The following RIOK1 variants were observed in gnomAD, a reference collection of about 807,000 sequenced individuals.
The protein encoded by RIOK1 is RIO kinase 1.
A neutral mutation model predicts 73.5 loss-of-function variants in RIOK1; 66 were observed. The ratio of observed to expected loss-of-function variants is 0.90; its 90% CI spans 0.74 to 1.10. The LOEUF is 1.10. Among genes scored for constraint, RIOK1 ranks in the 50% least tolerant of loss-of-function variants. The probability of loss-of-function intolerance (pLI) is 0.00; values close to 1 mark genes in which losing one functional copy is unlikely to be tolerated. For synonymous variants in RIOK1, 224 were observed against 226.8 expected (o/e 0.99, Z 0.11); for missense variants, 658 against 699.8 (o/e 0.94, Z 0.67).
chr6:7,412,733 A>G (rs148182812), intron 14 of RIOK1, among the ~76,000 whole-genome samples, 156 bp from the exon 15 acceptor site: 69 of 152,072 alleles, frequency 4.5e-4, no homozygotes, highest in African/African-American at 1.5e-3. Context: ...TCAATATTAT[A>G]AACTTCCTGT....
In RIOK1 at chr6:7,400,951, T is replaced by G. The variant is rs201840891; in HGVS notation, c.481-7T>G. 1 of 1,581,566 alleles carries G rather than the reference T, an allele frequency of 6.3e-7. No individual in the cohort carries two copies. Among genetic ancestry groups the G allele is most frequent in the African/African-American group, 1.4e-5 (1 of 73,664 alleles). ...TGGAACTTTTTAATTTTTGCATTTCTTTTTAGGTGTTGGATCCCAGAACAA... is the reference window on the plus strand; with the variant it reads ...TGGAACTTTTTAATTTTTGCATTTCGTTTTAGGTGTTGGATCCCAGAACAA... On this transcript the variant is annotated splice_region_variant and splice_polypyrimidine_tract_variant and intron_variant, in intron 5 of 16. Coordinates refer to ENST00000379834, the MANE Select transcript of RIOK1 (RefSeq NM_031480.3).
At position 7,412,907 on chromosome 6, in the gene RIOK1, AC is replaced by A; in HGVS notation, c.1409del (p.Thr470LysfsTer3). 6.4e-7 allele frequency: 1 copy of A among 1,551,870 alleles called. No homozygotes were observed. The highest frequency in any genetic ancestry group is 8.7e-7 in the Non-Finnish European group (1 of 1,152,732). ...TTATAAGATTCTATACCAGACTGTT[AC>A]AGGATTGAAGAAAGATTTGTCAGGA... Reference protein sequence around the residue: ...QQDNILYQTVTGLKKDLSGVQ... With the variant: ...QQDNILYQTVXGLKKDLSGVQ... On this transcript the variant is annotated frameshift_variant, in exon 15 of 17. Coordinates refer to ENST00000379834, the MANE Select transcript of RIOK1 (RefSeq NM_031480.3). LOFTEE classifies it high-confidence loss of function.
intron 14 of RIOK1, among the ~76,000 whole-genome samples, chr6:7,412,646 C>T (rs1311083044): frequency 2.4e-5 from 3 of 124,022 alleles, no homozygotes; most frequent in Non-Finnish European, 5.7e-5. Context: ...AGCAAGACTC[C>T]GTCTCAAAAA....
At chr6:7,398,302 C>T (rs1277179566) in intron 4 of RIOK1, among the ~76,000 whole-genome samples, 1 of 151,480 alleles carries the variant, frequency 6.6e-6, no homozygotes, top group African/African-American at 2.4e-5. Context: ...TAGTAAGATG[C>T]TGTCTCTTTA....
Position 7,393,179 on chromosome 6 carries a change from G to A in RIOK1, c.152G>A (p.Gly51Asp). 1 of 1,613,258 alleles carries A rather than the reference G, an allele frequency of 6.2e-7. No individual in the cohort carries two copies. The highest frequency in any genetic ancestry group is 2.2e-5 in the East Asian group (1 of 44,870). ...EDLQDNVNENGEGEIEDEEEE... is the reference protein window; with the variant it reads ...EDLQDNVNENDEGEIEDEEEE... Reference sequence around the variant, plus strand: ...CTTCAAGACAATGTGAATGAGAATGGTGAAGGTGAAATAGAAGATGAGGAG... The same window carrying A: ...CTTCAAGACAATGTGAATGAGAATGATGAAGGTGAAATAGAAGATGAGGAG... Residue 51 changes from glycine (G) to aspartate (D), a missense_variant, in exon 2 of 17, where the codon GGT (glycine) becomes GAT (aspartate). Gly to Asp is a moderately conservative substitution (Grantham distance 94). Coordinates refer to ENST00000379834, the MANE Select transcript of RIOK1 (RefSeq NM_031480.3).
chr6:7,416,681 A>G (rs2113535328), intron 16 of RIOK1, among the ~76,000 whole-genome samples: 1 of 149,744 alleles, frequency 6.7e-6, no homozygotes, highest in Middle Eastern at 3.5e-3. Flanking sequence ...AAGGCCGGTT[A>G]TGGTGGCTCA....
At chr6:7,393,556 G>A (rs1462428583) in intron 2 of RIOK1, among the ~76,000 whole-genome samples, 2 of 152,136 alleles carry the variant, frequency 1.3e-5, no homozygotes, top group Non-Finnish European at 2.9e-5. Context: ...ATCTTCATGG[G>A]AAAGGGCATG....
At chr6:7,413,873 G>T (rs1229099980) in intron 15 of RIOK1, among the ~76,000 whole-genome samples, 1 of 152,220 alleles carries the variant, frequency 6.6e-6, no homozygotes, top group Non-Finnish European at 1.5e-5. Context: ...CAGGAAAACA[G>T]CTGTGAAGTT....
At chr6:7,408,063 G>C (rs182690721) in intron 12 of RIOK1, among the ~76,000 whole-genome samples, 3 of 152,312 alleles carry the variant, frequency 2.0e-5, no homozygotes, top group Admixed American at 2.0e-4. Context: ...TTGAGATGGA[G>C]TCTCGTTCTG....
chr6:7,396,892 G>T (rs200221238), intron 4 of RIOK1, 120 bp downstream of exon 4: 4 of 415,782 alleles, frequency 9.6e-6, no homozygotes, highest in Admixed American at 4.1e-5. Flanking sequence ...TCATTATTTT[G>T]GTGTGTGTGT....
At chr6:7,409,577 C>A (rs1426026788) in intron 12 of RIOK1, among the ~76,000 whole-genome samples, 1 of 151,954 alleles carries the variant, frequency 6.6e-6, no homozygotes, top group African/African-American at 2.4e-5. Flanking sequence ...GCGTGAGCCT[C>A]AGCCTCCCAA....
Position 7,396,718 on chromosome 6 carries a change from C to G in RIOK1, c.383C>G (p.Thr128Ser), listed in dbSNP as rs143168973. ...NKINLDKLNV[T>S]DSVINKVTEK... ...TGTATTTTAGATAAGCTAAATGTTACTGATTCCGTCATAAATAAAGTCACC... is the reference window on the plus strand; with the variant it reads ...TGTATTTTAGATAAGCTAAATGTTAGTGATTCCGTCATAAATAAAGTCACC... Residue 128 changes from threonine (T) to serine (S), a missense_variant, in exon 4 of 17, where the codon ACT becomes AGT. By Grantham distance (58) the Thr-to-Ser change is moderately conservative. Coordinates refer to ENST00000379834, the MANE Select transcript of RIOK1 (RefSeq NM_031480.3). 2.5e-6 allele frequency: 4 copies of G among 1,599,220 alleles called. No homozygotes were observed. The African/African-American group carries it at 4.0e-5, about 16-fold the overall frequency.
At position 7,414,197 on chromosome 6, in the gene RIOK1, G is replaced by A. The variant is rs1307339309; in HGVS notation, c.1444-41G>A. ...TTAACAACAACACATAACTTGGTTT[G>A]TGTGTTGTTTAGAATAACATGGTTC... On this transcript the variant is annotated intron_variant, in intron 15 of 16. Coordinates refer to ENST00000379834, the MANE Select transcript of RIOK1 (RefSeq NM_031480.3). The A allele has an allele frequency of 3.2e-6, 5 of 1,550,466 alleles. No individual in the cohort carries two copies. In the South Asian group the frequency reaches 6.1e-5, roughly 19 times the overall value.
intron 16 of RIOK1, among the ~76,000 whole-genome samples, chr6:7,416,520 C>T (rs765006191): frequency 3.3e-4 from 50 of 152,086 alleles, no homozygotes; most frequent in African/African-American, 5.5e-4. Flanking sequence ...TGGTGGCAGG[C>T]GCCTGTAGTC....
At chr6:7,413,864 A>C (rs1346802698) in intron 15 of RIOK1, among the ~76,000 whole-genome samples, 2 of 152,242 alleles carry the variant, frequency 1.3e-5, no homozygotes, top group African/African-American at 2.4e-5. Context: ...TGTGGTTCAC[A>C]GGAAAACAGC....
intron 2 of RIOK1, 99 bp downstream of exon 2, chr6:7,393,402 T>A: frequency 3.1e-6 from 3 of 965,832 alleles, no homozygotes; most frequent in Non-Finnish European, 4.9e-6. Context: ...ACTAAAAGAT[T>A]TTCTTCATGT....
At chr6:7,406,836 T>A (rs1349467295) in intron 12 of RIOK1, among the ~76,000 whole-genome samples, 2 of 151,996 alleles carry the variant, frequency 1.3e-5, no homozygotes, top group Admixed American at 6.5e-5. Context: ...AATTTGGGTA[T>A]TTTTTGGTAG....
chr6:7,398,639 G>T, intron 4 of RIOK1, 59 bp from the exon 5 acceptor site: 1 of 1,270,734 alleles, frequency 7.9e-7, no homozygotes, highest in South Asian at 1.3e-5. Context: ...ACATTTAGAA[G>T]ATTTTGGCTT....
chr6:7,409,717 G>A (rs1761838934), intron 12 of RIOK1, among the ~76,000 whole-genome samples: 1 of 151,030 alleles, frequency 6.6e-6, no homozygotes, highest in African/African-American at 2.4e-5. Flanking sequence ...GTGATCTGCT[G>A]GCCTCACCTC....
Sources: gnomAD v4.1 joint callset for allele counts (sites outside exome capture counted in the v4.1 genomes callset) on GRCh38, gnomAD v4.1.1 for gene constraint, MANE v1.5 for transcripts, NCBI Gene and HGNC (gene_info 2026-07-23, HGNC 2026-07-21) for gene names.